DERA: variants seen among roughly 807,000 people sequenced by gnomAD.
DERA encodes the protein deoxyribose-phosphate aldolase, also known as 2-deoxy-D-ribose 5-phosphate aldolase.
In DERA, 15 loss-of-function variants were observed where a neutral mutation model predicts 41.1. The observed-to-expected ratio is 0.37, with a 90% confidence interval of 0.24 to 0.56. DERA has a LOEUF of 0.56. DERA is among the 20% of genes least tolerant of loss of function. The probability of loss-of-function intolerance (pLI) is 0.81; values close to 1 mark genes in which losing one functional copy is unlikely to be tolerated. For synonymous variants in DERA, 139 were observed against 137.4 expected (o/e 1.01, Z -0.08); for missense variants, 396 against 403.4 (o/e 0.98, Z 0.16).
At chr12:15,923,050 T>TCTCG (rs1207359257) in intron 1 of DERA, among the ~76,000 whole-genome samples, 10 of 128,154 alleles carry the variant, frequency 7.8e-5, no homozygotes, top group African/African-American at 3.0e-4. Flanking sequence ...TGAGACGGAG[T>TCTCG]CTCGCTCTGT....
intron 1 of DERA, among the ~76,000 whole-genome samples, chr12:15,950,364 C>T (rs1328271502): frequency 1.3e-5 from 2 of 152,150 alleles, no homozygotes; most frequent in African/African-American, 4.8e-5. Flanking sequence ...ACTGTCATGG[C>T]ACTTGTGGGA....
Position 15,922,476 on chromosome 12 carries a change from T to C in DERA, c.31+11062T>C, listed in dbSNP as rs930407191. Among the ~76,000 whole-genome samples the C allele has an allele frequency of 6.6e-6, 1 of 152,214 alleles. No individual in the cohort carries two copies. Among genetic ancestry groups the C allele is most frequent in the African/African-American group, 2.4e-5 (1 of 41,472 alleles). ...TTGACTGAGTGTTGCATTAAACTAC[T>C]AATATAGAGAAATTTTGGGACACAG... On this transcript the variant is annotated intron_variant, in intron 1 of 8. Transcript: ENST00000428559. This position sits in a 1 kb window ranked among gnomAD's most constrained non-coding sequence, Gnocchi z 4.9.
chr12:15,973,731 A>C (rs1473152176), intron 5 of DERA, among the ~76,000 whole-genome samples: 1 of 152,112 alleles, frequency 6.6e-6, no homozygotes, highest in Admixed American at 6.5e-5. Context: ...CCATAGACCT[A>C]TATTTATTAA....
intron 7 of DERA, among the ~76,000 whole-genome samples, chr12:16,034,206 A>C (rs1949112102): frequency 2.0e-5 from 3 of 152,222 alleles, no homozygotes; most frequent in South Asian, 4.1e-4. Flanking sequence ...TTGGGGACCC[A>C]GTCCTGTTTT....
rs983809634 is a variant in DERA at position 16,019,165 on chromosome 12, A to G, written c.638-13377A>G. Among the ~76,000 whole-genome samples, 10 of 152,248 alleles carry G rather than the reference A, an allele frequency of 6.6e-5. No individual in the cohort carries two copies. Among genetic ancestry groups the G allele is most frequent in the Non-Finnish European group, 1.5e-4 (10 of 68,032 alleles). On this transcript the variant is annotated intron_variant, in intron 6 of 8. Coordinates refer to ENST00000428559, the MANE Select transcript of DERA (RefSeq NM_015954.4). This position sits in a 1 kb window ranked among gnomAD's most constrained non-coding sequence, Gnocchi z 4.4. Reference sequence around the variant, plus strand: ...GCAATGTTAAAATGAGAAGTAAAACAAAAGTGTGTCCTACTTAGTCCCATT... The same window carrying G: ...GCAATGTTAAAATGAGAAGTAAAACGAAAGTGTGTCCTACTTAGTCCCATT...
At chr12:15,914,035 A>G (rs1429204531) in intron 1 of DERA, among the ~76,000 whole-genome samples, 1 of 152,172 alleles carries the variant, frequency 6.6e-6, no homozygotes, top group East Asian at 1.9e-4. Context: ...TCTTTTGTTC[A>G]CTGATGTGTC....
At position 16,035,895 on chromosome 12, in the gene DERA, T is replaced by C. The variant is rs2136191741; in HGVS notation, c.751-337T>C. Among the ~76,000 whole-genome samples the C allele has an allele frequency of 6.6e-6, 1 of 152,342 alleles. No individual in the cohort carries two copies. Among genetic ancestry groups the C allele is most frequent in the East Asian group, 1.9e-4 (1 of 5,186 alleles). On this transcript the variant is annotated intron_variant, in intron 7 of 8. Transcript: ENST00000428559. The surrounding 1 kb of genome is among the most constrained non-coding windows in gnomAD (Gnocchi z 4.1). ...TTTGCTTTTGTGATCTGTTTTCCTA[T>C]TTATTGACACCTTCCTTGTTTATTC...
chr12:15,952,764 C>G (rs946636336), intron 1 of DERA, among the ~76,000 whole-genome samples: 2 of 152,188 alleles, frequency 1.3e-5, no homozygotes, highest in African/African-American at 4.8e-5. Context: ...TGTGTGGCTC[C>G]TGATTGGACA....
intron 7 of DERA, 174 bp downstream of exon 7, chr12:16,032,828 T>C (rs1949102148): frequency 1.8e-6 from 1 of 570,476 alleles, no homozygotes; most frequent in African/African-American, 1.9e-5. Flanking sequence ...AGAAAAATTG[T>C]GATGAACAGA....
chr12:16,030,089 ATT>A (rs71051276), intron 6 of DERA, among the ~76,000 whole-genome samples: 105,312 of 139,024 alleles, frequency 0.76, 41,808 homozygotes, highest in Non-Finnish European at 0.87. Context: ...TGCCCGGCTA[ATT>A]TTTTTTTTTT....
At chr12:15,949,399 C>A (rs927971092) in intron 1 of DERA, among the ~76,000 whole-genome samples, 2 of 152,168 alleles carry the variant, frequency 1.3e-5, no homozygotes, top group Non-Finnish European at 2.9e-5. Context: ...TCAGCAATGG[C>A]AGGCACCCCT....
chr12:15,958,092 A>T, intron 2 of DERA, 96 bp from the exon 3 acceptor site: 1 of 981,962 alleles, frequency 1.0e-6, no homozygotes, highest in Non-Finnish European at 1.5e-6. Flanking sequence ...TAACACCCAT[A>T]CTTGTCTAAT....
chr12:15,997,532 T>G (rs1000626320), intron 6 of DERA, among the ~76,000 whole-genome samples: 1 of 152,182 alleles, frequency 6.6e-6, no homozygotes, highest in Non-Finnish European at 1.5e-5. Flanking sequence ...TAGGGGGCGT[T>G]CTTGAAATCA....
rs1297779431 is a variant in DERA, at chr12:15,936,702, CA to C, written c.32-20233del. Among the ~76,000 whole-genome samples the C allele has an allele frequency of 1.3e-5, 2 of 152,112 alleles. No homozygotes were observed. The highest frequency in any genetic ancestry group is 2.9e-5 in the Non-Finnish European group (2 of 68,016). Reference sequence around the variant, plus strand: ...ACAAATGAAGACTATGTATTTTATTCAGTTGTGTTTGTCTTCCTTTAGAGCA... The same window carrying C: ...ACAAATGAAGACTATGTATTTTATTCGTTGTGTTTGTCTTCCTTTAGAGCA... On this transcript the variant is annotated intron_variant, in intron 1 of 8. Transcript: ENST00000428559. This position sits in a 1 kb window ranked among gnomAD's most constrained non-coding sequence, Gnocchi z 4.6.
At chr12:15,962,670 C>T (rs762082500) in intron 4 of DERA, 143 bp from the exon 5 acceptor site, 12 of 625,670 alleles carry the variant, frequency 1.9e-5, no homozygotes, top group Non-Finnish European at 3.0e-5. Context: ...GTGCATTGGT[C>T]TTTAAATGCT....
In DERA at chr12:15,985,249, T is replaced by C. The variant is rs1948756550; in HGVS notation, c.637+2813T>C. 6.6e-6 allele frequency: 1 copy of C among 152,258 alleles called. No homozygotes were observed. The highest frequency in any genetic ancestry group is 1.5e-5 in the Non-Finnish European group (1 of 68,050). 9.4% of individuals were successfully genotyped at this position (152,258 alleles called of 1,614,324 possible). ...TTATCTAATCACATAGTGTGAACTC[T>C]TGGGTGCTTTGTTTTTGGTTTGTTT... On this transcript the variant is annotated intron_variant, in intron 6 of 8. Transcript: ENST00000428559. The surrounding 1 kb of genome is among the most constrained non-coding windows in gnomAD (Gnocchi z 4.2).
At chr12:15,973,814 T>G (rs1948680027) in intron 5 of DERA, among the ~76,000 whole-genome samples, 2 of 151,930 alleles carry the variant, frequency 1.3e-5, no homozygotes, top group Non-Finnish European at 2.9e-5. Flanking sequence ...ATGTAATCAC[T>G]TTTTTTTAAG....
chr12:15,986,632 AT>A (rs1948765963), intron 6 of DERA, among the ~76,000 whole-genome samples: 1 of 152,146 alleles, frequency 6.6e-6, no homozygotes, highest in African/African-American at 2.4e-5. Context: ...TCTTTGAGTT[AT>A]TTTAATGTTC....
At chr12:16,006,396 C>A (rs1455647180) in intron 6 of DERA, among the ~76,000 whole-genome samples, 1 of 152,158 alleles carries the variant, frequency 6.6e-6, no homozygotes, top group African/African-American at 2.4e-5. Flanking sequence ...AAATGTAATA[C>A]AAATTTATGC....
Sources: allele counts gnomAD v4.1 joint callset (sites outside exome capture counted in the v4.1 genomes callset), GRCh38; gene constraint gnomAD v4.1.1; non-coding constraint Gnocchi (gnomAD v3.1); transcripts MANE v1.5; gene names NCBI Gene and HGNC (gene_info 2026-07-23, HGNC 2026-07-21).